Variants in ITFG1 observed in about 807,000 individuals in gnomAD.
ITFG1 encodes the protein integrin alpha FG-GAP repeat containing 1, also known as T-cell immunomodulatory protein.
In ITFG1, 34 loss-of-function variants were observed where a neutral mutation model predicts 81.8. That is an observed-to-expected ratio of 0.42 (90% CI 0.32 to 0.55). ITFG1 has a LOEUF of 0.55. Ranked by LOEUF, ITFG1 falls within the 20% of genes least tolerant of loss-of-function variation. The probability of loss-of-function intolerance (pLI) is 0.17; values close to 1 mark genes in which losing one functional copy is unlikely to be tolerated. For synonymous variants in ITFG1, 285 were observed against 270.6 expected (o/e 1.05, Z -0.52); for missense variants, 672 against 755.4 (o/e 0.89, Z 1.29).
In ITFG1 at chr16:47,164,519, T is replaced by C. The variant is rs149416007; in HGVS notation, c.1454-1855A>G. Among the ~76,000 whole-genome samples the C allele has an allele frequency of 1.2e-3, 177 of 152,376 alleles. 1 individual carries two copies. Among genetic ancestry groups the C allele is most frequent in the African/African-American group, 4.1e-3 (171 of 41,600 alleles). On this transcript the variant is annotated intron_variant, in intron 14 of 17. Transcript: ENST00000320640. ...TGATTATTTGAATGAGGTGTTTTCCTTTCTAGGAATTTGCAAAGTCTTCTA... is the reference window on the plus strand; with the variant it reads ...TGATTATTTGAATGAGGTGTTTTCCCTTCTAGGAATTTGCAAAGTCTTCTA...
intron 10 of ITFG1, among the ~76,000 whole-genome samples, chr16:47,276,369 A>G (rs951940323): frequency 6.6e-6 from 1 of 152,336 alleles, no homozygotes; most frequent in South Asian, 2.1e-4. Context: ...ATGGCAAAAC[A>G]TTACCAGGGG....
chr16:47,244,066 A>G (rs1039804297), intron 12 of ITFG1, among the ~76,000 whole-genome samples: 37 of 152,216 alleles, frequency 2.4e-4, no homozygotes, highest in African/African-American at 8.4e-4. Context: ...TCTCAGACAT[A>G]GTGTTGAGCA....
At position 47,349,491 on chromosome 16, in the gene ITFG1, C is replaced by A. The variant is rs571077596; in HGVS notation, c.802+16297G>T. Among the ~76,000 whole-genome samples the A allele has an allele frequency of 7.9e-5, 12 of 152,138 alleles. No individual in the cohort carries two copies. The East Asian group carries it at 1.4e-3, about 17-fold the overall frequency. On this transcript the variant is annotated intron_variant, in intron 8 of 17. Coordinates refer to ENST00000320640, the MANE Select transcript of ITFG1 (RefSeq NM_030790.5). ...CCATTACATAATGGTAAAGGGATCA[C>A]TTCAACAAGAAGAGCTAACTATCCT...
chr16:47,224,025 T>C (rs1235257786), intron 13 of ITFG1, among the ~76,000 whole-genome samples: 3 of 125,982 alleles, frequency 2.4e-5, no homozygotes, highest in Non-Finnish European at 4.7e-5. Flanking sequence ...TGAGAACACA[T>C]GGACACAGGA....
At chr16:47,365,736 G>A (rs1016743254) in intron 8 of ITFG1, 52 bp downstream of exon 8, 2 of 1,027,282 alleles carry the variant, frequency 1.9e-6, no homozygotes, top group Non-Finnish European at 3.0e-6. Flanking sequence ...CAGAAAGAAG[G>A]AGAGAATTGG....
At chr16:47,456,045 C>G (rs1239173328) in intron 2 of ITFG1, among the ~76,000 whole-genome samples, 2 of 151,912 alleles carry the variant, frequency 1.3e-5, no homozygotes, top group African/African-American at 4.8e-5. Flanking sequence ...CCACATAATG[C>G]CTAGCATAAT....
intron 10 of ITFG1, among the ~76,000 whole-genome samples, chr16:47,272,497 G>A (rs1039585948): frequency 2.0e-5 from 3 of 152,074 alleles, no homozygotes; most frequent in African/African-American, 7.2e-5. Context: ...CCAGGTAGAA[G>A]TGATTCTCCT....
At chr16:47,313,605 G>T (rs1174525943) in intron 9 of ITFG1, 124 bp downstream of exon 9, 2 of 414,124 alleles carry the variant, frequency 4.8e-6, no homozygotes, top group Admixed American at 4.3e-5. Context: ...TTAAAATGAG[G>T]AAGTCGGTAA....
chr16:47,428,350 C>T (rs574494354), intron 6 of ITFG1, among the ~76,000 whole-genome samples: 12 of 152,072 alleles, frequency 7.9e-5, no homozygotes, highest in South Asian at 4.1e-4. Flanking sequence ...AGCTAGGTGA[C>T]GGTTAAATGT....
chr16:47,422,864 T>C (rs1386570047), intron 6 of ITFG1, among the ~76,000 whole-genome samples: 2 of 152,190 alleles, frequency 1.3e-5, no homozygotes, highest in Non-Finnish European at 2.9e-5. Flanking sequence ...AATTTTAGAA[T>C]AAGTGCGATG....
intron 16 of ITFG1, 23 bp downstream of exon 16, chr16:47,161,727 A>C (rs755259607): frequency 1.4e-6 from 2 of 1,468,060 alleles, no homozygotes; most frequent in South Asian, 2.3e-5. Context: ...TCTTTACCAA[A>C]TCGGTTCAAG....
chr16:47,213,969 C>T (rs902133433), intron 14 of ITFG1, among the ~76,000 whole-genome samples: 12 of 152,226 alleles, frequency 7.9e-5, no homozygotes, highest in African/African-American at 2.9e-4. Flanking sequence ...AATTTATAGA[C>T]TCTCCATCAG....
intron 10 of ITFG1, among the ~76,000 whole-genome samples, chr16:47,261,400 G>A (rs374193101): frequency 2.6e-5 from 4 of 152,150 alleles, no homozygotes; most frequent in African/African-American, 7.2e-5. Context: ...ATCAAACACT[G>A]CAAGGAAAGT....
At chr16:47,437,671 C>A (rs1479397361) in intron 5 of ITFG1, among the ~76,000 whole-genome samples, 1 of 152,148 alleles carries the variant, frequency 6.6e-6, no homozygotes, top group Admixed American at 6.6e-5. Context: ...AGCTATCTTT[C>A]TACATGTTTG....
intron 10 of ITFG1, among the ~76,000 whole-genome samples, chr16:47,301,977 A>G (rs1258443071): frequency 6.6e-6 from 1 of 152,132 alleles, no homozygotes; most frequent in Non-Finnish European, 1.5e-5. Context: ...GATGCCAGAT[A>G]CTGAAGAGGC....
intron 8 of ITFG1, among the ~76,000 whole-genome samples, chr16:47,331,556 C>T (rs1422734581): frequency 1.3e-5 from 2 of 152,076 alleles, no homozygotes; most frequent in Non-Finnish European, 2.9e-5. Flanking sequence ...ATAAAAACTG[C>T]GAATAAAGGT....
At chr16:47,434,450 G>A (rs1969139873) in intron 5 of ITFG1, among the ~76,000 whole-genome samples, 1 of 151,136 alleles carries the variant, frequency 6.6e-6, no homozygotes, top group African/African-American at 2.4e-5. Context: ...CGAAAAAAAA[G>A]CTCAACATCA....
intron 14 of ITFG1, among the ~76,000 whole-genome samples, chr16:47,171,656 A>G (rs1427743536): frequency 6.6e-6 from 1 of 151,968 alleles, no homozygotes; most frequent in African/African-American, 2.4e-5. Flanking sequence ...TTTTTTTAAC[A>G]TTGCATTTAC....
intron 6 of ITFG1, among the ~76,000 whole-genome samples, chr16:47,412,102 CA>C (rs1389749220): frequency 6.6e-6 from 1 of 151,932 alleles, no homozygotes; most frequent in African/African-American, 2.4e-5. Context: ...AACATAAAAA[CA>C]AAAAGCACCA....
Sources: allele counts gnomAD v4.1 joint callset (sites outside exome capture counted in the v4.1 genomes callset), GRCh38; gene constraint gnomAD v4.1.1; transcripts MANE v1.5; gene names NCBI Gene and HGNC (gene_info 2026-07-23, HGNC 2026-07-21).